Variants in SYNE2 observed in about 807,000 individuals in gnomAD.
SYNE2 encodes the protein nesprin-2.
In SYNE2, 431 loss-of-function variants were observed where a neutral mutation model predicts 856.3. The observed-to-expected ratio is 0.50, with a 90% CI of 0.47 to 0.55. The LOEUF is 0.55. SYNE2 is among the 20% of genes least tolerant of loss of function. The pLI is 0.00. For missense variants in SYNE2, 8,129 were observed against 8,023.2 expected, an observed-to-expected ratio of 1.01 and a Z score of -0.50; for synonymous variants, 2,923 against 2,872.3, an observed-to-expected ratio of 1.02 and a Z score of -0.56.
At chr14:64,179,841 C>T (rs1156277703) in intron 96 of SYNE2, among the ~76,000 whole-genome samples, 1 of 152,000 alleles carries the variant, frequency 6.6e-6, no homozygotes, top group African/African-American at 2.4e-5. Context: ...TGTTTTTCTG[C>T]GTTTTCCTTG....
chr14:64,108,032 A>G (rs2097782444), intron 65 of SYNE2, among the ~76,000 whole-genome samples: 1 of 152,316 alleles, frequency 6.6e-6, no homozygotes. Flanking sequence ...ACAAATTAAG[A>G]AATCAAAATT....
At chr14:63,918,920 C>G (rs147601822) in intron 2 of SYNE2, among the ~76,000 whole-genome samples, 1 of 152,180 alleles carries the variant, frequency 6.6e-6, no homozygotes, top group African/African-American at 2.4e-5. Context: ...TAGGATTTTT[C>G]ATAGTGGGAA....
chr14:64,220,354 A>G, intron 110 of SYNE2, 83 bp from the exon 111 acceptor site: 1 of 1,480,290 alleles, frequency 6.8e-7, no homozygotes, highest in Non-Finnish European at 9.4e-7. Context: ...GTGTGTGGAA[A>G]ATTTGTTCCC....
rs200185384 is a variant in SYNE2 at position 64,053,574 on chromosome 14, T to C, written c.9661T>C (p.Ser3221Pro). Residue 3221 changes from serine (S) to proline (P), a missense_variant, in exon 48 of 116, where the codon TCT (serine) becomes CCT (proline). Physicochemically the swap from Ser to Pro is moderately conservative, Grantham distance 74 (BLOSUM62 -1). Coordinates refer to ENST00000555002, the MANE Select transcript of SYNE2 (RefSeq NM_182914.3). ...TGAGAAACAAAGAGAAGAAAACTCT[T>C]CTGAAGCGAGTGATGTGGAGACAAA... is the stretch of plus-strand genomic sequence containing the variant. ...AIEKQREENS[S>P]EASDVETKLR... 3.7e-6 allele frequency: 6 copies of C among 1,614,162 alleles called. No individual in the cohort carries two copies. Among genetic ancestry groups the C allele is most frequent in the African/African-American group, 1.3e-5 (1 of 75,056 alleles).
At chr14:64,041,191 G>C (rs1013337643) in intron 45 of SYNE2, among the ~76,000 whole-genome samples, 3 of 152,016 alleles carry the variant, frequency 2.0e-5, no homozygotes, top group Admixed American at 1.3e-4. Flanking sequence ...ATATATTAAA[G>C]AAAAGCTTAA....
Position 64,162,245 on chromosome 14 carries a change from A to C in SYNE2, c.16268A>C (p.Glu5423Ala). ...AGCATGTCTGGAAACAACCTGGCAG[A>C]GATCCTGCCCCCAGCCCTGCAGGAC... ...NISMSGNNLA[E>A]ILPPALQDIK... Residue 5423 changes from glutamate (E) to alanine (A), a missense_variant, in exon 88 of 116, where the codon GAG becomes GCG. Transcript: ENST00000555002. The C allele has an allele frequency of 2.5e-6, 4 of 1,614,236 alleles. No homozygotes were observed. In the South Asian group the frequency reaches 4.4e-5, roughly 18 times the overall value.
rs763926804 is a variant in SYNE2, at chr14:64,010,007, A to G, written c.4619A>G (p.Tyr1540Cys). 1 of 1,613,980 alleles carries G rather than the reference A, an allele frequency of 6.2e-7. No homozygotes were observed. Among genetic ancestry groups the G allele is most frequent in the Non-Finnish European group, 8.5e-7 (1 of 1,179,896 alleles). The change falls in exon 32 of 116, where the codon TAT (tyrosine) becomes TGT (cysteine). Residue 1540 changes from tyrosine (Y) to cysteine (C), a missense_variant. Physicochemically the swap from Tyr to Cys is radical, Grantham distance 194. Transcript: ENST00000555002. ...AGAGTTTTGGAGCTCTTAAAACAAT[A>G]TCAGAATTTTAAAAGCATCTTGACA... ...CGRVLELLKQ[Y>C]QNFKSILTTL...
chr14:63,827,625 CA>C (rs11334415), intron 1 of SYNE2, among the ~76,000 whole-genome samples: 1,932 of 28,216 alleles, frequency 0.068, 22 homozygotes, highest in African/African-American at 0.13. Context: ...AACTCTGTCT[CA>C]AAAAAAAAAA....
At chr14:64,200,137 TAGAAG>T (rs1285994776) in intron 99 of SYNE2, among the ~76,000 whole-genome samples, 18 of 152,208 alleles carry the variant, frequency 1.2e-4, no homozygotes, top group African/African-American at 4.3e-4. Context: ...TGCTTTAAGT[TAGAAG>T]AGAGGAAACA....
At chr14:63,771,171 G>A (rs1360444689) in intron 1 of SYNE2, among the ~76,000 whole-genome samples, 4 of 147,466 alleles carry the variant, frequency 2.7e-5, no homozygotes, top group African/African-American at 5.0e-5. Context: ...CCGGGTTCAC[G>A]CCATTCTCCT....
intron 109 of SYNE2, among the ~76,000 whole-genome samples, chr14:64,218,749 G>A (rs1414420961): frequency 6.6e-6 from 1 of 152,188 alleles, no homozygotes; most frequent in Non-Finnish European, 1.5e-5. Flanking sequence ...GCCTCCTGAG[G>A]AAGTGCAGGT....
chr14:64,057,242 C>T (rs1298922222), intron 49 of SYNE2, among the ~76,000 whole-genome samples: 1 of 151,742 alleles, frequency 6.6e-6, no homozygotes, highest in Admixed American at 6.6e-5. Context: ...TTATTTTGTA[C>T]CCATTTACCA....
chr14:63,961,499 A>T (rs1186213364), intron 8 of SYNE2, 26 bp from the exon 9 acceptor site: 1 of 1,560,184 alleles, frequency 6.4e-7, no homozygotes, highest in East Asian at 2.2e-5. Context: ...TGTAACAGCT[A>T]ATTGATAGTG....
At chr14:63,917,319 GCAATCAAGC>G (rs1392358638) in intron 2 of SYNE2, among the ~76,000 whole-genome samples, 2 of 152,116 alleles carry the variant, frequency 1.3e-5, no homozygotes, top group East Asian at 3.8e-4. Context: ...ACCAGAGAAA[GCAATCAAGC>G]TATAGTCCCT....
At chr14:64,150,693 G>A (rs1051600845) in intron 84 of SYNE2, among the ~76,000 whole-genome samples, 1 of 152,146 alleles carries the variant, frequency 6.6e-6, no homozygotes, top group Non-Finnish European at 1.5e-5. Context: ...AAGCCTTTAG[G>A]AGAGACTGTT....
chr14:64,014,569 G>A (rs1404285676), intron 32 of SYNE2, among the ~76,000 whole-genome samples: 1 of 151,964 alleles, frequency 6.6e-6, no homozygotes, highest in African/African-American at 2.4e-5. Flanking sequence ...TGGGACTACA[G>A]GTGCACGCCA....
chr14:64,094,304 A>C (rs2097657929), intron 61 of SYNE2, among the ~76,000 whole-genome samples: 1 of 152,064 alleles, frequency 6.6e-6, no homozygotes, highest in Non-Finnish European at 1.5e-5. Flanking sequence ...ACTGCACTCC[A>C]GCCTGGGTGA....
chr14:64,151,420 TA>T (rs540541655), intron 84 of SYNE2, among the ~76,000 whole-genome samples: 222 of 19,336 alleles, frequency 0.011, 6 homozygotes, highest in East Asian at 0.056. Flanking sequence ...ACAAAGGATT[TA>T]AAAAAAAAAA....
Position 64,007,216 on chromosome 14 carries a change from C to A in SYNE2, c.4571C>A (p.Thr1524Asn). The change falls in exon 31 of 116, where the codon ACC becomes AAC. Residue 1524 changes from threonine (T) to asparagine (N), a missense_variant. By Grantham distance (65) the Thr-to-Asn change is moderately conservative. Transcript: ENST00000555002. ...VLWENTKALV[T>N]ECLEQCGRVL... is the part of the protein sequence containing the mutation. ...TGGGAGAATACCAAAGCCTTGGTCA[C>A]CGAATGGTAAGGAAAAAAAAGAATC... The A allele has an allele frequency of 6.2e-7, 1 of 1,613,766 alleles. No homozygotes were observed. The highest frequency in any genetic ancestry group is 1.1e-5 in the South Asian group (1 of 91,072).
Sources: gnomAD v4.1 joint callset for allele counts (sites outside exome capture counted in the v4.1 genomes callset) on GRCh38, gnomAD v4.1.1 for gene constraint, MANE v1.5 for transcripts, NCBI Gene and HGNC (gene_info 2026-07-23, HGNC 2026-07-21) for gene names.